COX7B2: variants seen among roughly 807,000 people sequenced by gnomAD.
COX7B2 encodes the protein cytochrome c oxidase subunit 7B2, mitochondrial.
For missense variants in COX7B2, 109 were observed against 95.9 expected (o/e 1.14, Z -0.57); for synonymous variants, 37 against 32.1 (o/e 1.15, Z -0.51).
chr4:46,830,902 C>T, intron 2 of COX7B2, among the ~76,000 whole-genome samples: 1 of 152,220 alleles, frequency 6.6e-6, no homozygotes, highest in East Asian at 1.9e-4. Context: ...CCTTTGCTCG[C>T]TCTTGGCGCC....
intron 2 of COX7B2, among the ~76,000 whole-genome samples, chr4:46,800,380 T>C (rs1218291770): frequency 6.6e-6 from 1 of 152,058 alleles, no homozygotes; most frequent in Non-Finnish European, 1.5e-5. Flanking sequence ...AAGGCTACAG[T>C]CACCAAAACA....
chr4:46,747,298 T>TTTTATTTTA lies in COX7B2; in HGVS notation c.-49-12066_-49-12058dup, dbSNP rs1553878860. 4.1e-3 allele frequency among the ~76,000 whole-genome samples: 619 copies of TTTTATTTTA among 149,358 alleles called. 2 individuals are homozygous for TTTTATTTTA. The highest frequency in any genetic ancestry group is 5.3e-3 in the Admixed American group (79 of 14,878). On this transcript the variant is annotated intron_variant, in intron 2 of 2. Coordinates refer to ENST00000355591, the MANE Select transcript of COX7B2 (RefSeq NM_130902.3). Reference sequence around the variant, plus strand: ...TAAGCTCCTATTTTATTTTATTTTATTTTATTTTATTTTATTATTTTCTGA... The same window carrying TTTTATTTTA: ...TAAGCTCCTATTTTATTTTATTTTATTTTATTTTATTTATTTTATTTTATTATTTTCTGA...
chr4:46,775,804 G>A (rs553102017), intron 2 of COX7B2, among the ~76,000 whole-genome samples: 34 of 152,154 alleles, frequency 2.2e-4, no homozygotes, highest in African/African-American at 5.1e-4. Flanking sequence ...AAAGCTTATC[G>A]TATCGTATAA....
At chr4:46,756,279 C>A (rs916562110) in intron 2 of COX7B2, among the ~76,000 whole-genome samples, 1 of 151,996 alleles carries the variant, frequency 6.6e-6, no homozygotes, top group Non-Finnish European at 1.5e-5. Context: ...GAAACTGTAA[C>A]CATATTTCTC....
chr4:46,822,770 G>A (rs1714393926), intron 2 of COX7B2, among the ~76,000 whole-genome samples: 1 of 151,694 alleles, frequency 6.6e-6, no homozygotes, highest in South Asian at 2.1e-4. Flanking sequence ...ATAAGAAAAG[G>A]GTTCATGAAT....
intron 2 of COX7B2, among the ~76,000 whole-genome samples, chr4:46,834,333 A>G (rs948119343): frequency 2.0e-5 from 3 of 152,098 alleles, no homozygotes; most frequent in African/African-American, 7.2e-5. Context: ...AGACAAGAAA[A>G]GAAACACAAA....
intron 1 of COX7B2, among the ~76,000 whole-genome samples, chr4:46,859,178 G>A (rs2109796436): frequency 6.6e-6 from 1 of 152,310 alleles, no homozygotes; most frequent in African/African-American, 2.4e-5. Flanking sequence ...GGAATGTAGT[G>A]TCCTCCTCCT....
intron 2 of COX7B2, among the ~76,000 whole-genome samples, chr4:46,756,533 A>G (rs1267813600): frequency 6.6e-6 from 1 of 152,008 alleles, no homozygotes; most frequent in Non-Finnish European, 1.5e-5. Flanking sequence ...TGGGAAAAAT[A>G]TTTGCAAACT....
At chr4:46,776,163 G>A (rs559869322) in intron 2 of COX7B2, among the ~76,000 whole-genome samples, 1 of 152,010 alleles carries the variant, frequency 6.6e-6, no homozygotes, top group Non-Finnish European at 1.5e-5. Context: ...GGATTATCTA[G>A]TAGACAGACA....
chr4:46,798,567 G>T (rs745999416), intron 2 of COX7B2, among the ~76,000 whole-genome samples: 1 of 152,070 alleles, frequency 6.6e-6, no homozygotes, highest in Non-Finnish European at 1.5e-5. Context: ...TCATATTTTG[G>T]AACAAGGCCC....
chr4:46,845,142 A>G (rs1716183777), intron 1 of COX7B2, 128 bp from the exon 2 acceptor site: 1 of 152,072 alleles, frequency 6.6e-6, no homozygotes, highest in South Asian at 2.1e-4. Context: ...ATATTGTCAT[A>G]CAAATGATAT....
Position 46,737,150 on chromosome 4 carries a change from C to T in COX7B2, c.-49-1909G>A, listed in dbSNP as rs916254418. The stretch of plus-strand genomic sequence containing the variant: ...TGTTCTGGATTTGGGCCATTCTAAT[C>T]GGTAAATAGGTGTTTCATTTGCAGT... On this transcript the variant is annotated intron_variant, in intron 2 of 2. Transcript: ENST00000355591. 3.3e-5 allele frequency among the ~76,000 whole-genome samples: 5 copies of T among 152,072 alleles called. No individual in the cohort carries two copies. In the South Asian group the frequency reaches 8.3e-4, roughly 25 times the overall value.
chr4:46,811,037 A>G (rs951412674), intron 2 of COX7B2, among the ~76,000 whole-genome samples: 1 of 152,106 alleles, frequency 6.6e-6, no homozygotes, highest in African/African-American at 2.4e-5. Flanking sequence ...AGATTCTCCT[A>G]TATGTGGCTT....
intron 2 of COX7B2, among the ~76,000 whole-genome samples, chr4:46,753,697 A>G (rs1223953435): frequency 2.0e-5 from 3 of 151,820 alleles, no homozygotes; most frequent in African/African-American, 2.4e-5. Context: ...GGCAACAAAA[A>G]CCAAAATTGA....
intron 2 of COX7B2, among the ~76,000 whole-genome samples, chr4:46,839,684 C>T (rs886339004): frequency 2.0e-5 from 3 of 152,012 alleles, no homozygotes; most frequent in African/African-American, 4.8e-5. Context: ...GGCTTTTCTA[C>T]GTAACTACTG....
intron 1 of COX7B2, among the ~76,000 whole-genome samples, chr4:46,886,532 C>G (rs1018606163): frequency 6.6e-6 from 1 of 152,108 alleles, no homozygotes; most frequent in Non-Finnish European, 1.5e-5. Context: ...TTAAACAACT[C>G]TTATTCTCAC....
At chr4:46,840,704 T>C (rs1177434970) in intron 2 of COX7B2, among the ~76,000 whole-genome samples, 1 of 152,068 alleles carries the variant, frequency 6.6e-6, no homozygotes. Flanking sequence ...ACACTTTCAA[T>C]GTACCTCGTA....
At chr4:46,741,287 C>G (rs1714688581) in intron 2 of COX7B2, among the ~76,000 whole-genome samples, 1 of 152,070 alleles carries the variant, frequency 6.6e-6, no homozygotes, top group African/African-American at 2.4e-5. Flanking sequence ...CTGGATACAA[C>G]TGATATTTTG....
intron 2 of COX7B2, among the ~76,000 whole-genome samples, chr4:46,837,373 T>C (rs1715587934): frequency 1.3e-5 from 2 of 151,608 alleles, no homozygotes; most frequent in South Asian, 4.2e-4. Context: ...ACAACATGGA[T>C]AAACCCTGAA....
Sources: allele counts gnomAD v4.1 joint callset (sites outside exome capture counted in the v4.1 genomes callset), GRCh38; gene constraint gnomAD v4.1.1; transcripts MANE v1.5; gene names NCBI Gene and HGNC (gene_info 2026-07-23, HGNC 2026-07-21).